The following PLCXD3 variants were observed in gnomAD, a reference collection of about 807,000 sequenced individuals.
PLCXD3 encodes the protein PI-PLC X domain-containing protein 3.
Under a neutral mutation model 25.5 loss-of-function variants are expected in PLCXD3, and 19 were observed. The ratio of observed to expected loss-of-function variants is 0.75; its 90% CI spans 0.52 to 1.09. The LOEUF is 1.09. PLCXD3 is among the 50% of genes least tolerant of loss of function. The pLI, the probability that PLCXD3 is intolerant of heterozygous loss-of-function variation, is 0.00. For missense variants in PLCXD3, 411 were observed against 388.1 expected (o/e 1.06, Z -0.50); for synonymous variants, 174 against 137.6 (o/e 1.26, Z -1.85).
chr5:41,313,891 A>G, intron 2 of PLCXD3, 121 bp from the exon 3 acceptor site: 3 of 1,231,984 alleles, frequency 2.4e-6, no homozygotes, highest in Non-Finnish European at 3.3e-6. Flanking sequence ...GTATAGGTAC[A>G]GGAAGGGGAA....
intron 1 of PLCXD3, among the ~76,000 whole-genome samples, chr5:41,425,140 T>A (rs1746925207): frequency 1.3e-5 from 2 of 152,220 alleles, no homozygotes; most frequent in Non-Finnish European, 2.9e-5. Flanking sequence ...CTTGTTATAA[T>A]GCTTTTTGCA....
At chr5:41,456,099 T>G (rs191103304) in intron 1 of PLCXD3, among the ~76,000 whole-genome samples, 21 of 152,060 alleles carry the variant, frequency 1.4e-4, no homozygotes, top group African/African-American at 4.8e-4. Context: ...TAAAGGGAAC[T>G]GGTAATGAGG....
At chr5:41,363,885 A>G (rs552339268) in intron 2 of PLCXD3, among the ~76,000 whole-genome samples, 2 of 152,322 alleles carry the variant, frequency 1.3e-5, no homozygotes, top group African/African-American at 4.8e-5. Flanking sequence ...GCTTTGTCAT[A>G]TTTGTTTAAA....
chr5:41,503,207 C>T (rs746182084), intron 1 of PLCXD3, among the ~76,000 whole-genome samples: 1 of 152,130 alleles, frequency 6.6e-6, no homozygotes, highest in Non-Finnish European at 1.5e-5. Context: ...AGGGGAGTTC[C>T]AGGAAAGCAT....
At chr5:41,507,319 A>G (rs528876795) in intron 1 of PLCXD3, among the ~76,000 whole-genome samples, 6 of 152,232 alleles carry the variant, frequency 3.9e-5, no homozygotes, top group African/African-American at 1.4e-4. Context: ...ACTTAAGTTT[A>G]GGGCCATCAG....
chr5:41,384,985 A>T (rs933619802), intron 1 of PLCXD3, among the ~76,000 whole-genome samples: 13 of 152,160 alleles, frequency 8.5e-5, no homozygotes, highest in African/African-American at 3.1e-4. Flanking sequence ...ACAAAACAGT[A>T]TCTATGCATT....
chr5:41,332,685 G>GA (rs1743857167), intron 2 of PLCXD3, among the ~76,000 whole-genome samples: 1 of 152,002 alleles, frequency 6.6e-6, no homozygotes, highest in Non-Finnish European at 1.5e-5. Flanking sequence ...CAAAGACTTG[G>GA]AACCAACCCA....
intron 1 of PLCXD3, among the ~76,000 whole-genome samples, chr5:41,507,559 AC>A (rs1749073803): frequency 6.6e-6 from 1 of 152,228 alleles, no homozygotes; most frequent in South Asian, 2.1e-4. Flanking sequence ...ATTTAAAGAC[AC>A]CGGAACTGTG....
At chr5:41,414,320 C>T (rs1047777888) in intron 1 of PLCXD3, among the ~76,000 whole-genome samples, 2 of 151,992 alleles carry the variant, frequency 1.3e-5, no homozygotes, top group African/African-American at 2.4e-5. Flanking sequence ...CCGCAACCTC[C>T]GCCTCACCAG....
At chr5:41,449,193 A>G (rs1315156470) in intron 1 of PLCXD3, among the ~76,000 whole-genome samples, 2 of 152,216 alleles carry the variant, frequency 1.3e-5, no homozygotes, top group Non-Finnish European at 2.9e-5. Flanking sequence ...CAAAAGTACA[A>G]TCTAATATTC....
At chr5:41,387,375 A>C (rs1009226073) in intron 1 of PLCXD3, among the ~76,000 whole-genome samples, 1 of 152,152 alleles carries the variant, frequency 6.6e-6, no homozygotes, top group Non-Finnish European at 1.5e-5. Context: ...AGAAGCTGTG[A>C]GAAAATTTGT....
chr5:41,403,991 G>A (rs1047634199), intron 1 of PLCXD3, among the ~76,000 whole-genome samples: 8 of 152,058 alleles, frequency 5.3e-5, no homozygotes, highest in African/African-American at 1.7e-4. Context: ...ACAATATATG[G>A]TTGCTCAATA....
intron 2 of PLCXD3, among the ~76,000 whole-genome samples, chr5:41,353,201 T>C (rs1238899641): frequency 6.6e-6 from 1 of 151,402 alleles, no homozygotes; most frequent in East Asian, 2.0e-4. Flanking sequence ...CATGCCATTC[T>C]CCTGACTCAG....
At chr5:41,429,278 T>C (rs1263930268) in intron 1 of PLCXD3, among the ~76,000 whole-genome samples, 2 of 151,316 alleles carry the variant, frequency 1.3e-5, no homozygotes, top group African/African-American at 4.9e-5. Context: ...AAGTCAGAAA[T>C]GGATGAGACT....
chr5:41,367,822 C>T (rs376310858), intron 2 of PLCXD3, among the ~76,000 whole-genome samples: 65 of 151,952 alleles, frequency 4.3e-4, no homozygotes, highest in African/African-American at 1.4e-3. Flanking sequence ...TTGTATATGG[C>T]GTAAAGAAGG....
At chr5:41,466,320 G>T (rs912868236) in intron 1 of PLCXD3, among the ~76,000 whole-genome samples, 1 of 151,854 alleles carries the variant, frequency 6.6e-6, no homozygotes, top group Non-Finnish European at 1.5e-5. Flanking sequence ...TAGCAATGTA[G>T]GGAGAAAAAT....
chr5:41,405,926 C>T (rs930846134), intron 1 of PLCXD3, among the ~76,000 whole-genome samples: 4 of 152,020 alleles, frequency 2.6e-5, no homozygotes, highest in African/African-American at 7.2e-5. Context: ...CAGCAAAATG[C>T]CATTGATGAC....
chr5:41,345,213 T>C (rs1467762461), intron 2 of PLCXD3, among the ~76,000 whole-genome samples: 1 of 152,222 alleles, frequency 6.6e-6, no homozygotes, highest in Admixed American at 6.5e-5. Context: ...TTCCAAATGA[T>C]GTCTTTGGCT....
intron 1 of PLCXD3, among the ~76,000 whole-genome samples, chr5:41,501,448 A>G (rs1167224150): frequency 1.3e-5 from 2 of 152,134 alleles, no homozygotes; most frequent in Admixed American, 6.6e-5. Flanking sequence ...CAAAAGGACA[A>G]ATACTGCATG....
Sources: allele counts gnomAD v4.1 joint callset (sites outside exome capture counted in the v4.1 genomes callset), GRCh38; gene constraint gnomAD v4.1.1; transcripts MANE v1.5; gene names NCBI Gene and HGNC (gene_info 2026-07-23, HGNC 2026-07-21).